COL24A1: variants seen among roughly 807,000 people sequenced by gnomAD.
COL24A1 encodes collagen type XXIV alpha 1 chain.
Under a neutral mutation model 253.9 loss-of-function variants are expected in COL24A1, and 224 were observed. The ratio of observed to expected loss-of-function variants is 0.88; its 90% confidence interval spans 0.79 to 0.99. The LOEUF (loss-of-function observed/expected upper bound fraction) is 0.99. COL24A1 is among the 50% of genes least tolerant of loss of function. The pLI is 0.00. For synonymous variants in COL24A1, 685 were observed against 673.7 expected (o/e 1.02, Z -0.26); for missense variants, 2,131 against 2,068.5 (o/e 1.03, Z -0.59).
In COL24A1 at chr1:85,784,271, C is replaced by T. The variant is rs568711251; in HGVS notation, c.4155G>A (p.Leu1385=). The T allele has an allele frequency of 2.5e-4, 396 of 1,614,022 alleles. 5 individuals are homozygous for T. The South Asian group carries it at 3.9e-3, about 16-fold the overall frequency. The change falls in exon 49 of 60, where the codon CTG becomes CTA. Residue 1385 remains leucine (L), a synonymous_variant. Coordinates refer to ENST00000370571, the MANE Select transcript of COL24A1 (RefSeq NM_152890.7). ...GDQGPCGDPG[L]KGQPGEYGVQ... ...AGGTGGTACATACAGGCTGCCCTTT[C>T]AGGCCAGGGTCTCCACATGGTCCTT... is the stretch of plus-strand genomic sequence containing the variant.
At chr1:85,888,002 T>G (rs1012358519) in intron 32 of COL24A1, among the ~76,000 whole-genome samples, 3 of 151,954 alleles carry the variant, frequency 2.0e-5, no homozygotes, top group African/African-American at 7.2e-5. Flanking sequence ...TAAACTGAAT[T>G]TATAATCTTC....
At chr1:85,925,241 T>C (rs1431565779) in intron 24 of COL24A1, among the ~76,000 whole-genome samples, 1 of 152,158 alleles carries the variant, frequency 6.6e-6, no homozygotes, top group East Asian at 1.9e-4. Context: ...GTAATGGCCA[T>C]ACTGCCCAAG....
chr1:86,097,669 T>A (rs1166566919), intron 5 of COL24A1, among the ~76,000 whole-genome samples: 2 of 145,642 alleles, frequency 1.4e-5, no homozygotes, highest in Non-Finnish European at 3.0e-5. Context: ...CCCCTTCTCC[T>A]CCTCCTCCTC....
Position 85,842,416 on chromosome 1 carries a change from G to C in COL24A1, c.3463-23C>G, listed in dbSNP as rs79390892. 1.9e-4 allele frequency: 282 copies of C among 1,480,144 alleles called. 1 individual carries two copies. Among genetic ancestry groups the C allele is most frequent in the East Asian group, 1.6e-3 (71 of 44,142 alleles). 91.7% of individuals were successfully genotyped at this position (1,480,144 alleles called of 1,614,324 possible). The stretch of plus-strand genomic sequence containing the variant: ...TCCCTGAAAAACAAAGTAAATATTA[G>C]TGAGAGAGAGAAAGTAAAGAATTGT... On this transcript the variant is annotated intron_variant, in intron 39 of 59. Coordinates refer to ENST00000370571, the MANE Select transcript of COL24A1 (RefSeq NM_152890.7).
chr1:85,980,593 T>A (rs1004997902), intron 20 of COL24A1, among the ~76,000 whole-genome samples: 2 of 151,928 alleles, frequency 1.3e-5, no homozygotes, highest in African/African-American at 2.4e-5. Context: ...GCTACAAAAA[T>A]AAAAAATAAA....
At chr1:86,056,151 C>T (rs1274990800) in intron 10 of COL24A1, among the ~76,000 whole-genome samples, 1 of 151,860 alleles carries the variant, frequency 6.6e-6, no homozygotes, top group Non-Finnish European at 1.5e-5. Flanking sequence ...AACTCCACAG[C>T]CCATGTTCTT....
At position 85,971,322 on chromosome 1, in the gene COL24A1, A is replaced by T. The variant is rs781751631; in HGVS notation, c.2418+18T>A. 1.9e-6 allele frequency: 3 copies of T among 1,607,572 alleles called. No homozygotes were observed. In the East Asian group the frequency reaches 6.7e-5, roughly 36 times the overall value. On this transcript the variant is annotated intron_variant, in intron 21 of 59. Coordinates refer to ENST00000370571, the MANE Select transcript of COL24A1 (RefSeq NM_152890.7). ...TAAAAACCTTGCTGAAGCTGACTGGATATCACTTCTTCCATACCTGAGTTC... is the reference window on the plus strand; with the variant it reads ...TAAAAACCTTGCTGAAGCTGACTGGTTATCACTTCTTCCATACCTGAGTTC...
intron 24 of COL24A1, among the ~76,000 whole-genome samples, chr1:85,933,294 G>T (rs553648487): frequency 1.2e-4 from 18 of 152,028 alleles, no homozygotes; most frequent in Admixed American, 1.1e-3. Flanking sequence ...ATCGGCAATA[G>T]AAAATGTACC....
At chr1:85,907,268 G>A in intron 27 of COL24A1, 21 bp from the exon 28 acceptor site, 1 of 1,596,684 alleles carries the variant, frequency 6.3e-7, no homozygotes, top group Non-Finnish European at 8.6e-7. Flanking sequence ...TAAATTTAAA[G>A]TCAGTTGTAG....
At chr1:85,933,178 T>C (rs1571277448) in intron 24 of COL24A1, among the ~76,000 whole-genome samples, 1 of 151,842 alleles carries the variant, frequency 6.6e-6, no homozygotes, top group Non-Finnish European at 1.5e-5. Flanking sequence ...ATGATTATTT[T>C]AATAAGTTGG....
chr1:85,737,602 A>G, intron 57 of COL24A1, 97 bp from the exon 58 acceptor site: 1 of 858,618 alleles, frequency 1.2e-6, no homozygotes, highest in Non-Finnish European at 1.8e-6. Context: ...TCATTCTGTT[A>G]GCCCAGGCTG....
chr1:86,043,062 T>C (rs1183340085), intron 12 of COL24A1, among the ~76,000 whole-genome samples: 3 of 152,140 alleles, frequency 2.0e-5, no homozygotes, highest in Non-Finnish European at 4.4e-5. Context: ...TTTCATATAA[T>C]ACATAAAACA....
At chr1:86,038,558 T>G (rs1245666121) in intron 12 of COL24A1, among the ~76,000 whole-genome samples, 1 of 152,174 alleles carries the variant, frequency 6.6e-6, no homozygotes, top group Non-Finnish European at 1.5e-5. Context: ...TGATCTTTGA[T>G]TCCCGGTATT....
At chr1:85,760,595 A>T (rs1666754396) in intron 55 of COL24A1, among the ~76,000 whole-genome samples, 1 of 152,198 alleles carries the variant, frequency 6.6e-6, no homozygotes, top group African/African-American at 2.4e-5. Flanking sequence ...AGAGATCTAA[A>T]TGACATCAGA....
rs571449590 is a variant in COL24A1 at position 85,872,343 on chromosome 1, A to G, written c.3138+2306T>C. Among the ~76,000 whole-genome samples the G allele has an allele frequency of 2.2e-4, 33 of 152,268 alleles. No individual in the cohort carries two copies. In the South Asian group the frequency reaches 6.6e-3, roughly 31 times the overall value. On this transcript the variant is annotated intron_variant, in intron 35 of 59. Transcript: ENST00000370571. Reference sequence around the variant, plus strand: ...TTTCTTCACAGAATTGGAAAAAACTACTTTAAAGTTCATATGGAAACAAAA... The same window carrying G: ...TTTCTTCACAGAATTGGAAAAAACTGCTTTAAAGTTCATATGGAAACAAAA...
At chr1:86,014,381 T>C (rs184968238) in intron 19 of COL24A1, among the ~76,000 whole-genome samples, 9 of 152,310 alleles carry the variant, frequency 5.9e-5, no homozygotes, top group Admixed American at 5.2e-4. Flanking sequence ...TTTCCAGGTG[T>C]AGTATTTTTA....
chr1:86,144,324 T>C lies in COL24A1; in HGVS notation c.121+1795A>G, dbSNP rs1198055711. On this transcript the variant is annotated intron_variant, in intron 2 of 59. Coordinates refer to ENST00000370571, the MANE Select transcript of COL24A1 (RefSeq NM_152890.7). ...AAATAAGTTCATAAATATTTAATTT[T>C]CCCTATATCTTTCTTTGCATGGGTT... Among the ~76,000 whole-genome samples the C allele has an allele frequency of 2.0e-5, 3 of 152,276 alleles. No homozygotes were observed. The East Asian group carries it at 5.8e-4, about 29-fold the overall frequency.
chr1:85,999,275 A>G (rs1695165940), intron 19 of COL24A1, among the ~76,000 whole-genome samples: 1 of 152,144 alleles, frequency 6.6e-6, no homozygotes, highest in African/African-American at 2.4e-5. Context: ...AAGGGCAGAA[A>G]GACTTCCTCA....
chr1:85,871,694 T>G (rs1680514669), intron 35 of COL24A1, among the ~76,000 whole-genome samples: 1 of 152,146 alleles, frequency 6.6e-6, no homozygotes, highest in Admixed American at 6.5e-5. Flanking sequence ...ATGGGACATA[T>G]CTCAAAATAA....
Sources: gnomAD v4.1 joint callset for allele counts (sites outside exome capture counted in the v4.1 genomes callset) on GRCh38, gnomAD v4.1.1 for gene constraint, MANE v1.5 for transcripts, NCBI Gene and HGNC (gene_info 2026-07-23, HGNC 2026-07-21) for gene names.